The following TMIGD3 variants were observed in gnomAD, a reference collection of about 807,000 sequenced individuals.
TMIGD3 encodes AD026 protein (AD026).
A neutral mutation model predicts 28.1 loss-of-function variants in TMIGD3; 21 were observed. The ratio of observed to expected loss-of-function variants is 0.75; its 90% CI spans 0.53 to 1.08. TMIGD3 has a LOEUF of 1.08. Among genes scored for constraint, TMIGD3 ranks in the 50% least tolerant of loss-of-function variants. The pLI, the probability that TMIGD3 is intolerant of heterozygous loss-of-function variation, is 0.00. For synonymous variants in TMIGD3, 151 were observed against 162.1 expected, an observed-to-expected ratio of 0.93 and a Z score of 0.52; for missense variants, 416 against 435.6, an observed-to-expected ratio of 0.96 and a Z score of 0.40.
intron 2 of TMIGD3, chr1:111,489,530 CTGT>C (rs1298514476): frequency 1.0e-6 from 1 of 1,004,592 alleles, no homozygotes; most frequent in Middle Eastern, 2.8e-4. Context: ...GGTTTTGTTG[CTGT>C]TGTTGTTATC....
Position 111,488,865 on chromosome 1 carries a change from G to C in TMIGD3, c.617C>G (p.Thr206Ser), listed in dbSNP as rs746708794. The C allele has an allele frequency of 6.2e-7, 1 of 1,614,206 alleles. No individual in the cohort carries two copies. The highest frequency in any genetic ancestry group is 8.5e-7 in the Non-Finnish European group (1 of 1,180,034). ...CNIIAFSPNS[T>S]NHVALRDTGN... ...TGTGTCCCTCAGGGCCACATGATTG[G>C]TGCTGTTAGGGGAGAAGGCGATGAT... Residue 206 changes from threonine to serine, a missense_variant, in exon 3 of 6, where the codon ACC becomes AGC. Transcript: ENST00000369716.
At chr1:111,532,324 G>A (rs1171920304) in intron 1 of TMIGD3, among the ~76,000 whole-genome samples, 1 of 152,212 alleles carries the variant, frequency 6.6e-6, no homozygotes, top group Non-Finnish European at 1.5e-5. Context: ...GAGATATGAA[G>A]ATGGAACCTC....
In TMIGD3 at chr1:111,486,577, A is replaced by G. The variant is rs2101783499; in HGVS notation, c.872+9T>C. The G allele has an allele frequency of 1.2e-6, 2 of 1,610,316 alleles. No individual in the cohort carries two copies. The highest frequency in any genetic ancestry group is 1.7e-6 in the Non-Finnish European group (2 of 1,177,238). On this transcript the variant is annotated intron_variant, in intron 4 of 5. Coordinates refer to ENST00000369716, the MANE Select transcript of TMIGD3 (RefSeq NM_020683.7). ...CCAAGCCCATTCATCCGCCAAGACTATGACTCACCTGGAGCGGTCAGCCTT... is the reference window on the plus strand; with the variant it reads ...CCAAGCCCATTCATCCGCCAAGACTGTGACTCACCTGGAGCGGTCAGCCTT...
chr1:111,557,879 T>C (rs1657567299), intron 1 of TMIGD3, among the ~76,000 whole-genome samples: 1 of 152,154 alleles, frequency 6.6e-6, no homozygotes, highest in African/African-American at 2.4e-5. Context: ...CACTCTAAGC[T>C]TCCTTAAATT....
intron 1 of TMIGD3, among the ~76,000 whole-genome samples, chr1:111,545,898 T>C (rs370987551): frequency 3.9e-5 from 6 of 152,280 alleles, no homozygotes; most frequent in African/African-American, 1.4e-4. Flanking sequence ...CCCGGAACAG[T>C]CTTGGAAACC....
At chr1:111,548,744 A>T (rs777946068) in intron 1 of TMIGD3, among the ~76,000 whole-genome samples, 1 of 152,176 alleles carries the variant, frequency 6.6e-6, no homozygotes, top group Non-Finnish European at 1.5e-5. Flanking sequence ...TGAGTTATCC[A>T]TTGCTGATTT....
chr1:111,561,435 T>G (rs1178442646), intron 1 of TMIGD3, among the ~76,000 whole-genome samples: 1 of 152,196 alleles, frequency 6.6e-6, no homozygotes, highest in Non-Finnish European at 1.5e-5. Context: ...ATCATTAATT[T>G]TAGATGGAGG....
intron 1 of TMIGD3, among the ~76,000 whole-genome samples, chr1:111,532,211 T>TTC (rs1656480603): frequency 6.6e-6 from 1 of 152,160 alleles, no homozygotes; most frequent in Admixed American, 6.6e-5. Flanking sequence ...CTCCAAAGCT[T>TTC]TCTCTCTCTG....
chr1:111,557,314 C>T (rs973173619), intron 1 of TMIGD3, among the ~76,000 whole-genome samples: 1 of 152,002 alleles, frequency 6.6e-6, no homozygotes, highest in Admixed American at 6.6e-5. Context: ...TTTGGGAGTC[C>T]GAGACAGGCA....
At chr1:111,526,487 A>AGCCCT (rs1318416140) in intron 1 of TMIGD3, among the ~76,000 whole-genome samples, 4 of 152,188 alleles carry the variant, frequency 2.6e-5, no homozygotes, top group Non-Finnish European at 5.9e-5. Context: ...AGGCCTCCCC[A>AGCCCT]GCCCTGCAGA....
In TMIGD3 at chr1:111,490,664, A is replaced by C. The variant is rs1449879798; in HGVS notation, c.449T>G (p.Leu150Arg). ...TCCGTCCCCCATCCTACCTGAAATG[A>C]GAGCCAAGGAGAGTAGAATGAAGAG... ...MWLFILLSLA[L>R]ISDAMVMDEK... The change falls in exon 2 of 6, where the codon CTC becomes CGC. Residue 150 changes from leucine to arginine, a missense_variant. Leu to Arg is a moderately radical substitution (Grantham distance 102). Coordinates refer to ENST00000369716, the MANE Select transcript of TMIGD3 (RefSeq NM_020683.7). 1 of 1,612,284 alleles carries C rather than the reference A, an allele frequency of 6.2e-7. No individual in the cohort carries two copies. The highest frequency in any genetic ancestry group is 1.1e-5 in the South Asian group (1 of 91,032).
chr1:111,508,126 T>C (rs1413127933), upstream of TMIGD3, among the ~76,000 whole-genome samples: 1 of 152,252 alleles, frequency 6.6e-6, no homozygotes, highest in Non-Finnish European at 1.5e-5. Context: ...TCCTTCACTC[T>C]GAGCAACAGG....
At chr1:111,546,307 C>T (rs563321772) in intron 1 of TMIGD3, among the ~76,000 whole-genome samples, 1 of 152,198 alleles carries the variant, frequency 6.6e-6, no homozygotes, top group East Asian at 1.9e-4. Flanking sequence ...AACTGTACAG[C>T]TCAGTGGCAT....
intron 1 of TMIGD3, among the ~76,000 whole-genome samples, chr1:111,534,537 T>C (rs1656576976): frequency 6.6e-6 from 1 of 152,216 alleles, no homozygotes; most frequent in African/African-American, 2.4e-5. Context: ...GTTTAATTGA[T>C]CAATTTTTAT....
intron 1 of TMIGD3, among the ~76,000 whole-genome samples, chr1:111,555,865 TG>T (rs1311021395): frequency 3.2e-4 from 48 of 152,152 alleles, no homozygotes; most frequent in African/African-American, 1.1e-3. Flanking sequence ...AACGATTTCT[TG>T]GATATGACAC....
chr1:111,513,205 C>T (rs1489517040), intron 1 of TMIGD3, among the ~76,000 whole-genome samples: 1 of 152,192 alleles, frequency 6.6e-6, no homozygotes, highest in Non-Finnish European at 1.5e-5. Flanking sequence ...GTTTCTGTTT[C>T]TTGAGTGTCA....
Position 111,488,992 on chromosome 1 carries a change from T to G in TMIGD3, c.490A>C (p.Ser164Arg). ...GCAGAAGCCGTGTCCAGCACAAAGC[T>G]TCTCTTGACCTTTTCATCCATGACC... ...AMVMDEKVKR[S>R]FVLDTASAIC... Residue 164 changes from serine to arginine, a missense_variant, in exon 3 of 6, where the codon AGC (serine) becomes CGC (arginine). Ser to Arg is a moderately radical substitution (Grantham distance 110). Transcript: ENST00000369716. 1 of 1,613,560 alleles carries G rather than the reference T, an allele frequency of 6.2e-7. No homozygotes were observed. The highest frequency in any genetic ancestry group is 2.2e-5 in the East Asian group (1 of 44,870).
chr1:111,540,426 C>T (rs1182627996), intron 1 of TMIGD3, among the ~76,000 whole-genome samples: 1 of 152,262 alleles, frequency 6.6e-6, no homozygotes, highest in Non-Finnish European at 1.5e-5. Flanking sequence ...GCTTTTCTAA[C>T]TCTTGAGCCG....
chr1:111,516,965 A>G (rs1269638547), intron 1 of TMIGD3, among the ~76,000 whole-genome samples: 1 of 152,138 alleles, frequency 6.6e-6, no homozygotes, highest in Non-Finnish European at 1.5e-5. Context: ...TGCTTAGGGG[A>G]AGGTGACAGC....
Sources: allele counts gnomAD v4.1 joint callset (sites outside exome capture counted in the v4.1 genomes callset), GRCh38; gene constraint gnomAD v4.1.1; transcripts MANE v1.5; gene names NCBI Gene and HGNC (gene_info 2026-07-23, HGNC 2026-07-21).